The following FAM13B variants were observed in gnomAD, a reference collection of about 807,000 sequenced individuals.
FAM13B encodes the protein protein FAM13B.
In FAM13B, 60 loss-of-function variants were observed where a neutral mutation model predicts 117.3. The observed-to-expected ratio is 0.51, with a 90% CI of 0.42 to 0.63. FAM13B has a LOEUF of 0.63. Among genes scored for constraint, FAM13B ranks in the 30% least tolerant of loss-of-function variants. FAM13B has a pLI of 0.00. For missense variants in FAM13B, 972 were observed against 1,091.9 expected, an observed-to-expected ratio of 0.89 and a Z score of 1.55; for synonymous variants, 332 against 356.1, an observed-to-expected ratio of 0.93 and a Z score of 0.76.
intron 1 of FAM13B, among the ~76,000 whole-genome samples, chr5:138,021,626 T>C (rs928910918): frequency 2.6e-5 from 4 of 152,232 alleles, no homozygotes; most frequent in Admixed American, 2.0e-4. Flanking sequence ...TTAAGTACTT[T>C]CTTCTTTTTT....
chr5:137,942,923 T>C lies in FAM13B; in HGVS notation c.2540A>G (p.Glu847Gly), dbSNP rs1030792998. 1 of 1,613,598 alleles carries C rather than the reference T, an allele frequency of 6.2e-7. No homozygotes were observed. The highest frequency in any genetic ancestry group is 1.3e-5 in the African/African-American group (1 of 74,896). Residue 847 changes from glutamate (E) to glycine (G), a missense_variant, in exon 22 of 24, where the codon GAA becomes GGA. By Grantham distance (98) the Glu-to-Gly change is moderately conservative. Transcript: ENST00000689681. ...CAATCGGAGATCCAGAGCCAGTTTT[T>C]CTTGATTTTCTTCAACATCAGATTC... ...NSESDVEENQ[E>G]KLALDLRLSS...
intron 1 of FAM13B, chr5:138,039,458 T>A (rs1023315440): frequency 7.2e-5 from 11 of 151,956 alleles, no homozygotes; most frequent in Non-Finnish European, 1.6e-4. Context: ...TCTCAGCACC[T>A]TTTTTTTCCC....
intron 10 of FAM13B, among the ~76,000 whole-genome samples, chr5:137,983,788 C>G (rs1053665775): frequency 3.3e-5 from 5 of 152,058 alleles, no homozygotes; most frequent in African/African-American, 1.2e-4. Flanking sequence ...GTATTACCCC[C>G]ACTTATTTAG....
intron 7 of FAM13B, among the ~76,000 whole-genome samples, chr5:138,006,020 T>C (rs1449840820): frequency 2.0e-5 from 3 of 151,790 alleles, no homozygotes; most frequent in African/African-American, 7.3e-5. Context: ...TGCCTCAGCC[T>C]CCCGTGTAGC....
chr5:137,966,486 TATAGAGAGAG>T (rs1457466100), intron 10 of FAM13B, among the ~76,000 whole-genome samples: 112 of 44,020 alleles, frequency 2.5e-3, no homozygotes, highest in Admixed American at 2.4e-3. Flanking sequence ...TATATATATA[TATAGAGAGAG>T]AGAGAGAGAG....
At chr5:138,027,884 C>A (rs1788861940) in intron 1 of FAM13B, among the ~76,000 whole-genome samples, 1 of 152,220 alleles carries the variant, frequency 6.6e-6, no homozygotes. Context: ...TCACTTCCTA[C>A]AAAGGCTCTC....
intron 10 of FAM13B, among the ~76,000 whole-genome samples, chr5:137,973,687 A>G (rs1271253018): frequency 6.6e-6 from 1 of 151,316 alleles, no homozygotes; most frequent in Non-Finnish European, 1.5e-5. Context: ...ATGGGAGAAA[A>G]TTTTCACAAC....
At chr5:137,966,488 TAGAG>T (rs57142324) in intron 10 of FAM13B, among the ~76,000 whole-genome samples, 756 of 29,440 alleles carry the variant, frequency 0.026, 8 homozygotes, top group Admixed American at 0.046. Flanking sequence ...TATATATATA[TAGAG>T]AGAGAGAGAG....
intron 10 of FAM13B, among the ~76,000 whole-genome samples, chr5:137,976,319 A>T (rs1773981383): frequency 6.6e-6 from 1 of 152,058 alleles, no homozygotes; most frequent in Non-Finnish European, 1.5e-5. Context: ...TGCAGCTTCT[A>T]CCTACTCACC....
chr5:138,037,479 G>A (rs1330359113), upstream of FAM13B, among the ~76,000 whole-genome samples: 1 of 151,128 alleles, frequency 6.6e-6, no homozygotes, highest in Non-Finnish European at 1.5e-5. Flanking sequence ...CAGTGTCACT[G>A]GAATGAGACT....
intron 20 of FAM13B, among the ~76,000 whole-genome samples, chr5:137,944,126 C>T (rs1762706780): frequency 6.6e-6 from 1 of 152,140 alleles, no homozygotes; most frequent in Admixed American, 6.5e-5. Context: ...ATAATATGTG[C>T]CCCTTTGTGT....
intron 20 of FAM13B, among the ~76,000 whole-genome samples, chr5:137,944,276 C>A (rs539043689): frequency 2.2e-4 from 33 of 152,150 alleles, no homozygotes; most frequent in African/African-American, 5.1e-4. Context: ...TGCTGACATT[C>A]GACTCAGCAA....
chr5:137,951,037 A>G lies in FAM13B; in HGVS notation c.1930+1591T>C, dbSNP rs963857538. 3.3e-5 allele frequency among the ~76,000 whole-genome samples: 5 copies of G among 151,986 alleles called. No homozygotes were observed. In the South Asian group the frequency reaches 1.0e-3, roughly 32 times the overall value. On this transcript the variant is annotated intron_variant, in intron 17 of 23. Coordinates refer to ENST00000689681, the MANE Select transcript of FAM13B (RefSeq NM_001385994.1). ...AGCCTGGGCAACATGGTGCAATGCC[A>G]TCTCTACTAAGAATACAAAAAAATT...
chr5:138,033,355 T>C (rs1339505002), upstream of FAM13B, among the ~76,000 whole-genome samples: 1 of 151,998 alleles, frequency 6.6e-6, no homozygotes, highest in Non-Finnish European at 1.5e-5. Flanking sequence ...AAAGGGAAAA[T>C]CCGGAACACA....
intron 17 of FAM13B, among the ~76,000 whole-genome samples, chr5:137,949,795 T>C (rs1764424933): frequency 3.7e-5 from 1 of 26,828 alleles, no homozygotes; most frequent in African/African-American, 9.5e-5. Context: ...TGAGACTCTG[T>C]CTCAAAAAAA....
intron 7 of FAM13B, among the ~76,000 whole-genome samples, chr5:138,002,555 G>A (rs1018759754): frequency 1.3e-5 from 2 of 151,552 alleles, no homozygotes; most frequent in African/African-American, 2.4e-5. Flanking sequence ...AAAACAAACA[G>A]ATATCCTTGT....
intron 10 of FAM13B, among the ~76,000 whole-genome samples, chr5:137,973,133 A>C (rs551933738): frequency 1.3e-5 from 2 of 152,246 alleles, no homozygotes; most frequent in African/African-American, 4.8e-5. Context: ...GGAACCAAAA[A>C]ACAGCCCACA....
At chr5:138,003,358 A>G (rs10043701) in intron 7 of FAM13B, among the ~76,000 whole-genome samples, 34,856 of 152,038 alleles carry the variant, frequency 0.23, 4,207 homozygotes, top group African/African-American at 0.28. Flanking sequence ...CTCTACTCTC[A>G]TGACATGTAA....
At chr5:138,017,001 A>G (rs1024301783) in intron 4 of FAM13B, among the ~76,000 whole-genome samples, 1 of 152,248 alleles carries the variant, frequency 6.6e-6, no homozygotes, top group Non-Finnish European at 1.5e-5. Context: ...TGTAATAATA[A>G]AATGGATTCA....
Sources: gnomAD v4.1 joint callset for allele counts (sites outside exome capture counted in the v4.1 genomes callset) on GRCh38, gnomAD v4.1.1 for gene constraint, MANE v1.5 for transcripts, NCBI Gene and HGNC (gene_info 2026-07-23, HGNC 2026-07-21) for gene names.